COL4A5: variants seen among roughly 807,000 people sequenced by gnomAD.
COL4A5 encodes collagen type IV alpha 5 chain, also known as collagen alpha-5(IV) chain.
Under a neutral mutation model 130.2 loss-of-function variants are expected in COL4A5, and 26 were observed. That is an observed-to-expected ratio of 0.20 (90% CI 0.15 to 0.28). The LOEUF (loss-of-function observed/expected upper bound fraction) is 0.28. Among genes scored for constraint, COL4A5 ranks in the 10% least tolerant of loss-of-function variants. The probability of loss-of-function intolerance (pLI) is 1.00; values close to 1 mark genes in which losing one functional copy is unlikely to be tolerated. For missense variants in COL4A5, 1,131 were observed against 1,344.3 expected (o/e 0.84, Z 2.48); for synonymous variants, 496 against 439.6 (o/e 1.13, Z -1.60).
intron 36 of COL4A5, among the ~76,000 whole-genome samples, chrX:108,650,119 T>TAG (rs1359199903): frequency 9.1e-6 from 1 of 110,042 alleles, no homozygotes; most frequent in African/African-American, 3.3e-5. Flanking sequence ...AGGACATGAA[T>TAG]AGACAATTCT....
At position 108,577,372 on chromosome X, in the gene COL4A5, CAAAAAAAAAA is replaced by C. The variant is rs746311921; in HGVS notation, c.610-569_610-560del. ...GGGCAACAAGAGGGAAACTCCTTCT[CAAAAAAAAAA>C]AAAAAAAAAAGAAAGAAAGAAAGAA... On this transcript the variant is annotated intron_variant, in intron 10 of 52. Coordinates refer to ENST00000328300, the MANE Select transcript of COL4A5 (RefSeq NM_033380.3). Among the ~76,000 whole-genome samples the C allele has an allele frequency of 1.7e-4, 5 of 29,915 alleles. No homozygotes were observed. In the East Asian group the frequency reaches 2.7e-3, roughly 16 times the overall value. 26.0% of individuals were successfully genotyped at this position (29,915 alleles called of 115,157 possible).
chrX:108,625,632 TATCC>T, intron 34 of COL4A5, 69 bp from the exon 35 acceptor site: 1 of 632,095 alleles, frequency 1.6e-6, no homozygotes. Flanking sequence ...TTTTAATGAC[TATCC>T]ATTCCCATGA....
At chrX:108,666,672 T>G in intron 39 of COL4A5, 78 bp downstream of exon 39, 1 of 812,037 alleles carries the variant, frequency 1.2e-6, no homozygotes, top group Non-Finnish European at 1.8e-6. Context: ...TTACCCACAG[T>G]GAAATTGTAT....
At chrX:108,603,516 A>T (rs1379139609) in intron 28 of COL4A5, among the ~76,000 whole-genome samples, 1 of 112,209 alleles carries the variant, frequency 8.9e-6, no homozygotes, top group Non-Finnish European at 1.9e-5. Context: ...TACCTTAATT[A>T]AAAATACTTT....
chrX:108,629,123 G>C (rs1357908581), intron 36 of COL4A5, among the ~76,000 whole-genome samples: 1 of 111,400 alleles, frequency 9.0e-6, no homozygotes, highest in Non-Finnish European at 1.9e-5. Flanking sequence ...GAGCATACCT[G>C]ACATGTTTGA....
At chrX:108,639,496 C>T (rs769340164) in intron 36 of COL4A5, among the ~76,000 whole-genome samples, 2 of 110,572 alleles carry the variant, frequency 1.8e-5, no homozygotes, top group Non-Finnish European at 3.8e-5. Context: ...GGATATGACA[C>T]CGAAATCACA....
At chrX:108,526,337 T>A (rs186851114) in intron 1 of COL4A5, among the ~76,000 whole-genome samples, 1 of 111,932 alleles carries the variant, frequency 8.9e-6, no homozygotes, top group Admixed American at 9.4e-5. Context: ...AATATCCAGA[T>A]ACTTGAGTTT....
At chrX:108,534,743 C>CT (rs1032003435) in intron 1 of COL4A5, among the ~76,000 whole-genome samples, 1 of 111,409 alleles carries the variant, frequency 9.0e-6, no homozygotes, top group African/African-American at 3.3e-5. Context: ...TTTTTTGATG[C>CT]TTTTAAGGCC....
At chrX:108,536,851 A>G (rs973067686) in intron 1 of COL4A5, among the ~76,000 whole-genome samples, 5 of 111,933 alleles carry the variant, frequency 4.5e-5, no homozygotes, top group African/African-American at 1.6e-4. Flanking sequence ...GAAAACAGCC[A>G]AAGAGTATGG....
intron 46 of COL4A5, among the ~76,000 whole-genome samples, chrX:108,681,208 A>G (rs2068421207): frequency 9.0e-6 from 1 of 111,577 alleles, no homozygotes; most frequent in Non-Finnish European, 1.9e-5. Flanking sequence ...ATTAGCTTCT[A>G]TACTAACTTC....
intron 1 of COL4A5, among the ~76,000 whole-genome samples, chrX:108,484,506 C>T (rs986965922): frequency 8.9e-6 from 1 of 112,541 alleles, no homozygotes; most frequent in Non-Finnish European, 1.9e-5. Context: ...GCCGTATCTG[C>T]ATTAGGGAAC....
At chrX:108,537,912 C>T (rs772970323) in intron 1 of COL4A5, among the ~76,000 whole-genome samples, 24 of 111,722 alleles carry the variant, frequency 2.1e-4, no homozygotes, top group Admixed American at 3.8e-4. Flanking sequence ...TCTTGTGAAA[C>T]GGTATCTTCT....
At chrX:108,638,113 A>G (rs2067389187) in intron 36 of COL4A5, among the ~76,000 whole-genome samples, 1 of 111,648 alleles carries the variant, frequency 9.0e-6, no homozygotes. Context: ...CAAAGACACT[A>G]CAATAAAAGA....
At chrX:108,530,755 G>T (rs376574079) in intron 1 of COL4A5, among the ~76,000 whole-genome samples, 54 of 99,335 alleles carry the variant, frequency 5.4e-4, no homozygotes, top group African/African-American at 1.8e-3. Flanking sequence ...TACACTGTTG[G>T]TGGGACTGTA....
intron 25 of COL4A5, among the ~76,000 whole-genome samples, chrX:108,600,952 C>T (rs765512952): frequency 9.0e-6 from 1 of 111,264 alleles, no homozygotes; most frequent in Non-Finnish European, 1.9e-5. Context: ...ACCTTTTTTT[C>T]TGCCTTTTTG....
At chrX:108,487,517 T>C (rs772763094) in intron 1 of COL4A5, among the ~76,000 whole-genome samples, 8 of 110,864 alleles carry the variant, frequency 7.2e-5, no homozygotes, top group Non-Finnish European at 1.3e-4. Context: ...TATCACATGG[T>C]GGTTTTGATT....
intron 1 of COL4A5, among the ~76,000 whole-genome samples, chrX:108,445,320 T>G (rs765725486): frequency 1.2e-3 from 132 of 111,919 alleles, no homozygotes; most frequent in African/African-American, 4.2e-3. Context: ...CCATCTTGAT[T>G]AGAATTTTGT....
intron 34 of COL4A5, among the ~76,000 whole-genome samples, chrX:108,624,571 G>A (rs1325725732): frequency 2.7e-5 from 3 of 112,161 alleles, no homozygotes; most frequent in African/African-American, 6.5e-5. Flanking sequence ...TTTTGTGGCA[G>A]CAGGGTATAC....
intron 48 of COL4A5, among the ~76,000 whole-genome samples, chrX:108,686,649 T>C (rs1257602125): frequency 8.9e-6 from 1 of 112,015 alleles, no homozygotes; most frequent in African/African-American, 3.2e-5. Flanking sequence ...GATTTTCAAT[T>C]TGTACTCAAC....
Sources: gnomAD v4.1 joint callset for allele counts (sites outside exome capture counted in the v4.1 genomes callset) on GRCh38, gnomAD v4.1.1 for gene constraint, MANE v1.5 for transcripts, NCBI Gene and HGNC (gene_info 2026-07-23, HGNC 2026-07-21) for gene names.